The following RAET1E variants were observed in gnomAD, a reference collection of about 807,000 sequenced individuals.
RAET1E encodes the protein retinoic acid early transcript 1E.
A neutral mutation model predicts 21.1 loss-of-function variants in RAET1E; 27 were observed. The observed-to-expected ratio is 1.28, with a 90% CI of 0.94 to 1.76. The LOEUF (loss-of-function observed/expected upper bound fraction) is 1.76. RAET1E is among the 40% of genes most tolerant of loss of function. RAET1E has a pLI of 0.00. For synonymous variants in RAET1E, 113 were observed against 115.0 expected (o/e 0.98, Z 0.11); for missense variants, 310 against 311.3 (o/e 1.00, Z 0.03).
intron 5 of RAET1E, 22 bp from the exon 6 acceptor site, chr6:149,888,689 A>T: frequency 6.5e-7 from 1 of 1,542,824 alleles, no homozygotes. Context: ...AAAAAAAAGA[A>T]AAAAAAGCAC....
In RAET1E at chr6:149,891,035, C is replaced by T; in HGVS notation, c.-133-1G>A. 1 of 609,216 alleles carries T rather than the reference C, an allele frequency of 1.6e-6. No individual in the cohort carries two copies. The highest frequency in any genetic ancestry group is 3.0e-6 in the Non-Finnish European group (1 of 335,044). The allele number at this position is 609,216 out of a possible 1,614,324, so 37.7% of individuals were successfully genotyped here. A position where few individuals can be genotyped will look rare whatever the true frequency, so the allele number is the denominator to read the frequency against. ...TACCCTGGAACAACTGAGGTCAGGCCTGTAGAGACCCAATTAAAGAACAAT... is the reference window on the plus strand; with the variant it reads ...TACCCTGGAACAACTGAGGTCAGGCTTGTAGAGACCCAATTAAAGAACAAT... On this transcript the variant is annotated splice_acceptor_variant, in intron 2 of 5. Transcript: ENST00000357183. LOFTEE classifies it low-confidence loss of function (5UTR_SPLICE).
rs1006664731 is a variant in RAET1E, at chr6:149,886,553, C to A, written c.*1945G>T. Among the ~76,000 whole-genome samples, 19 of 152,326 alleles carry A rather than the reference C, an allele frequency of 1.2e-4. No individual in the cohort carries two copies. Among genetic ancestry groups the A allele is most frequent in the African/African-American group, 4.6e-4 (19 of 41,566 alleles). ...GGGATTACAGGCCCATGCCACCACA[C>A]CCGGCTAATTTTTGTATTTTTAGTA... On this transcript the variant is annotated 3_prime_UTR_variant, in exon 6 of 6. Transcript: ENST00000357183.
Position 149,888,411 on chromosome 6 carries a change from A to G in RAET1E, c.*87T>C, listed in dbSNP as rs181140503. The G allele has an allele frequency of 8.6e-4, 1,259 of 1,466,090 alleles. 23 individuals carry two copies. The Admixed American group carries it at 0.022, about 26-fold the overall frequency. The allele number at this position is 1,466,090 out of a possible 1,614,324, so 90.8% of individuals were successfully genotyped here. A position where few individuals can be genotyped will look rare whatever the true frequency, so the allele number is the denominator to read the frequency against. On this transcript the variant is annotated 3_prime_UTR_variant, in exon 6 of 6. Transcript: ENST00000357183. ...TAGTGTGGGGGCTCAAGACTAAGGCAGTGCACCATTTCTGTGGAGAGAGAT... is the reference window on the plus strand; with the variant it reads ...TAGTGTGGGGGCTCAAGACTAAGGCGGTGCACCATTTCTGTGGAGAGAGAT...
intron 2 of RAET1E, among the ~76,000 whole-genome samples, chr6:149,892,667 C>G (rs1026606903): frequency 6.6e-6 from 1 of 152,190 alleles, no homozygotes; most frequent in Non-Finnish European, 1.5e-5. Flanking sequence ...CCTGTTCACT[C>G]TGATGATAGT....
chr6:149,885,228 A>G lies in RAET1E; in HGVS notation c.*3270T>C, dbSNP rs1777557085. Among the ~76,000 whole-genome samples the G allele has an allele frequency of 6.7e-6, 1 of 149,918 alleles. No homozygotes were observed. Among genetic ancestry groups the G allele is most frequent in the Non-Finnish European group, 1.5e-5 (1 of 67,658 alleles). On this transcript the variant is annotated 3_prime_UTR_variant, in exon 6 of 6. Transcript: ENST00000357183. ...TCACATAGGCAACCCCTGGAGAGTGACCCTGGTTTAAAGCCCGACTTTGCC... is the reference window on the plus strand; with the variant it reads ...TCACATAGGCAACCCCTGGAGAGTGGCCCTGGTTTAAAGCCCGACTTTGCC...
In RAET1E at chr6:149,888,631, G is replaced by T; in HGVS notation, c.659C>A (p.Ser220Tyr). 13 of 1,576,550 alleles carry T rather than the reference G, an allele frequency of 8.2e-6. No individual in the cohort carries two copies. Among genetic ancestry groups the T allele is most frequent in the Non-Finnish European group, 1.1e-5 (13 of 1,168,702 alleles). ...PVNASDIHWS[S>Y]SSLPDRWIIL... ...GATCCATCTATCTGGTAGACTAGAA[G>T]AAGACCAGTGGATATCTGAAGCATT... Residue 220 changes from serine (S) to tyrosine (Y), a missense_variant, in exon 6 of 6, where the codon TCT (serine) becomes TAT (tyrosine). Ser to Tyr is a moderately radical substitution (Grantham distance 144). Transcript: ENST00000357183.
chr6:149,890,842 T>C lies in RAET1E; in HGVS notation c.60A>G (p.Leu20=), dbSNP rs909872090. The C allele has an allele frequency of 3.1e-6, 5 of 1,613,396 alleles. No individual in the cohort carries two copies. Among genetic ancestry groups the C allele is most frequent in the Non-Finnish European group, 4.2e-6 (5 of 1,179,422 alleles). ...PVRLLLFLLL[L]LIALEIMVGG... ...CAACCATGATCTCCAAGGCTATTAG[T>C]AGCAACAGCAGAAACAAAAGAAGGC... The change falls in exon 3 of 6, where the codon CTA becomes CTG. Residue 20 remains leucine, a synonymous_variant. Transcript: ENST00000357183.
chr6:149,886,686 C>T lies in RAET1E; in HGVS notation c.*1812G>A, dbSNP rs980835103. ...CTGGGATTACAGGAGTGAGCTATCA[C>T]GCCCAGATGAGATTTATTTTATGAT... On this transcript the variant is annotated 3_prime_UTR_variant, in exon 6 of 6. Coordinates refer to ENST00000357183, the MANE Select transcript of RAET1E (RefSeq NM_001394057.1). Among the ~76,000 whole-genome samples the T allele has an allele frequency of 3.9e-5, 6 of 152,228 alleles. No homozygotes were observed. The highest frequency in any genetic ancestry group is 1.4e-4 in the African/African-American group (6 of 41,462).
At chr6:149,890,201 C>T in intron 3 of RAET1E, 56 bp from the exon 4 acceptor site, 1 of 1,592,614 alleles carries the variant, frequency 6.3e-7, no homozygotes, top group Non-Finnish European at 8.6e-7. Context: ...CCATTAGAAC[C>T]TGCGCTTCTG....
intron 2 of RAET1E, chr6:149,895,514 C>T (rs1778081899): frequency 1.3e-5 from 2 of 152,234 alleles, no homozygotes; most frequent in African/African-American, 4.8e-5. Flanking sequence ...TTCCTCAAGC[C>T]TCAGCAACGG....
At chr6:149,890,182 G>C (rs541691801) in intron 3 of RAET1E, 37 bp from the exon 4 acceptor site, 3 of 1,608,680 alleles carry the variant, frequency 1.9e-6, no homozygotes, top group Non-Finnish European at 2.5e-6. Context: ...CCAGGACAGG[G>C]GAAGAGGCCC....
chr6:149,889,550 G>A lies in RAET1E; in HGVS notation c.420C>T (p.Phe140=). The change falls in exon 5 of 6, where the codon TTC becomes TTT. Residue 140 remains phenylalanine (F), a synonymous_variant. Coordinates refer to ENST00000357183, the MANE Select transcript of RAET1E (RefSeq NM_001394057.1). ...GGAGGGATTTCTCTCCATTGGTGGC[G>A]AACTGCCAGGATGCACCAGTGCACC... is the stretch of plus-strand genomic sequence containing the variant. ...AERCTGASWQ[F]ATNGEKSLLF... is the part of the protein sequence containing the mutation. 4 of 1,614,142 alleles carry A rather than the reference G, an allele frequency of 2.5e-6. No homozygotes were observed. Among genetic ancestry groups the A allele is most frequent in the African/African-American group, 1.3e-5 (1 of 75,028 alleles).
chr6:149,888,047 T>A lies in RAET1E; in HGVS notation c.*451A>T, dbSNP rs1777684112. On this transcript the variant is annotated 3_prime_UTR_variant, in exon 6 of 6. Coordinates refer to ENST00000357183, the MANE Select transcript of RAET1E (RefSeq NM_001394057.1). ...AGAAACCCCATCTCTACTAAAAATG[T>A]AGGATGTAGTTCGGCACTGTAATGT... 1.3e-5 allele frequency: 5 copies of A among 377,014 alleles called. No homozygotes were observed. Among genetic ancestry groups the A allele is most frequent in the Admixed American group, 6.7e-5 (2 of 29,734 alleles). 23.4% of individuals were successfully genotyped at this position (377,014 alleles called of 1,614,324 possible).
rs778760289 is a variant in RAET1E at position 149,886,687 on chromosome 6, G to A, written c.*1811C>T. On this transcript the variant is annotated 3_prime_UTR_variant, in exon 6 of 6. Coordinates refer to ENST00000357183, the MANE Select transcript of RAET1E (RefSeq NM_001394057.1). ...TGGGATTACAGGAGTGAGCTATCAC[G>A]CCCAGATGAGATTTATTTTATGATC... is the stretch of plus-strand genomic sequence containing the variant. Among the ~76,000 whole-genome samples, 10 of 152,276 alleles carry A rather than the reference G, an allele frequency of 6.6e-5. No individual in the cohort carries two copies. In the East Asian group the frequency reaches 1.2e-3, roughly 18 times the overall value.
At chr6:149,891,068 A>G in intron 2 of RAET1E, 34 bp from the exon 3 acceptor site, 3 of 558,546 alleles carry the variant, frequency 5.4e-6, no homozygotes, top group South Asian at 2.5e-5. Context: ...AATTTTGTGA[A>G]GAGAGTGTTT....
intron 2 of RAET1E, among the ~76,000 whole-genome samples, chr6:149,892,409 G>A (rs969578981): frequency 3.9e-5 from 6 of 152,288 alleles, no homozygotes; most frequent in East Asian, 3.9e-4. Flanking sequence ...TCTAACTGGC[G>A]TGAGATGGTA....
rs1020087443 is a variant in RAET1E, at chr6:149,888,081, TG to T, written c.*416del. The T allele has an allele frequency of 2.3e-6, 1 of 440,522 alleles. No individual in the cohort carries two copies. The highest frequency in any genetic ancestry group is 2.0e-5 in the African/African-American group (1 of 49,346). The allele number at this position is 440,522 out of a possible 1,614,324, so 27.3% of individuals were successfully genotyped here. On this transcript the variant is annotated 3_prime_UTR_variant, in exon 6 of 6. Coordinates refer to ENST00000357183, the MANE Select transcript of RAET1E (RefSeq NM_001394057.1). ...GTTCGGCACTGTAATGTTTAGAGGG[TG>T]GTGAAAGGATTTCTTATACCACATC... is the stretch of plus-strand genomic sequence containing the variant.
chr6:149,891,303 C>T (rs970295012), intron 2 of RAET1E, among the ~76,000 whole-genome samples: 4 of 151,986 alleles, frequency 2.6e-5, no homozygotes, highest in Non-Finnish European at 5.9e-5. Flanking sequence ...CCCTTTCTTC[C>T]TGGTACCCCC....
intron 4 of RAET1E, 52 bp from the exon 5 acceptor site, chr6:149,889,675 T>C: frequency 1.3e-6 from 2 of 1,593,604 alleles, no homozygotes; most frequent in Middle Eastern, 1.7e-4. Flanking sequence ...AAGTCCATCA[T>C]CCTCCAATAG....
Sources: gnomAD v4.1 joint callset for allele counts (sites outside exome capture counted in the v4.1 genomes callset) on GRCh38, gnomAD v4.1.1 for gene constraint, MANE v1.5 for transcripts, NCBI Gene and HGNC (gene_info 2026-07-23, HGNC 2026-07-21) for gene names.